ALDH7A1: variants seen among roughly 807,000 people sequenced by gnomAD.
The protein encoded by ALDH7A1 is aldehyde dehydrogenase 7 family member A1.
A neutral mutation model predicts 79.9 loss-of-function variants in ALDH7A1; 63 were observed. That is an observed-to-expected ratio of 0.79 (90% CI 0.64 to 0.97). The LOEUF (loss-of-function observed/expected upper bound fraction) is 0.97. Ranked by LOEUF, ALDH7A1 falls within the 50% of genes least tolerant of loss-of-function variation. ALDH7A1 has a pLI of 0.00. For synonymous variants in ALDH7A1, 240 were observed against 231.2 expected, an observed-to-expected ratio of 1.04 and a Z score of -0.34; for missense variants, 627 against 665.2, an observed-to-expected ratio of 0.94 and a Z score of 0.63.
At chr5:126,586,182 C>T (rs1365196586) in intron 3 of ALDH7A1, 3 of 152,190 alleles carry the variant, frequency 2.0e-5, no homozygotes, top group African/African-American at 7.2e-5. Context: ...TTTTCATCCA[C>T]AATTTATATG....
chr5:126,560,381 G>C (rs1750364091), intron 10 of ALDH7A1, among the ~76,000 whole-genome samples: 1 of 152,136 alleles, frequency 6.6e-6, no homozygotes, highest in Non-Finnish European at 1.5e-5. Flanking sequence ...TGAGGCAGGA[G>C]AACAGCTTGA....
At position 126,568,368 on chromosome 5, in the gene ALDH7A1, C is replaced by A. The variant is rs1750662606; in HGVS notation, c.774-12G>T. ...TGGCCATTGCTGTGCTGCAAGGGAA[C>A]AGACACGGTCGGCCACCCAAGCAGA... is the stretch of plus-strand genomic sequence containing the variant. On this transcript the variant is annotated splice_polypyrimidine_tract_variant and intron_variant, in intron 8 of 17. Coordinates refer to ENST00000409134, the MANE Select transcript of ALDH7A1 (RefSeq NM_001182.5). The A allele has an allele frequency of 1.2e-6, 2 of 1,612,542 alleles. No individual in the cohort carries two copies. Among genetic ancestry groups the A allele is most frequent in the African/African-American group, 2.7e-5 (2 of 74,874 alleles).
intron 11 of ALDH7A1, 132 bp from the exon 12 acceptor site, chr5:126,556,147 T>A: frequency 2.0e-6 from 1 of 489,046 alleles, no homozygotes; most frequent in East Asian, 4.0e-5. Flanking sequence ...ATGTTTATTT[T>A]TTTAATTATA....
Position 126,544,894 on chromosome 5 carries a change from A to C in ALDH7A1, c.*71T>G, listed in dbSNP as rs1401611952. 7.5e-7 allele frequency: 1 copy of C among 1,332,710 alleles called. No individual in the cohort carries two copies. Among genetic ancestry groups the C allele is most frequent in the Non-Finnish European group, 1.1e-6 (1 of 928,368 alleles). The allele number at this position is 1,332,710 out of a possible 1,614,324, so 82.6% of individuals were successfully genotyped here. On this transcript the variant is annotated 3_prime_UTR_variant, in exon 18 of 18. Transcript: ENST00000409134. ...AATGCATTTATTCAGGGAAAACTTT[A>C]ATTTTCTTTGTCTTCTCCAAAAACA... is the stretch of plus-strand genomic sequence containing the variant.
At position 126,549,956 on chromosome 5, in the gene ALDH7A1, T is replaced by C. The variant is rs913469909; in HGVS notation, c.1462A>G (p.Ser488Gly). Residue 488 changes from serine to glycine, a missense_variant, in exon 16 of 18, where the codon AGT becomes GGT. By Grantham distance (56) the Ser-to-Gly change is moderately conservative. Transcript: ENST00000409134. ...AAGGCACCTCCAATCTCAGCCCCAC[T>C]TGTTGGAATGTTGACATTTACAATG... ...CGIVNVNIPT[S>G]GAEIGGAFGG... The C allele has an allele frequency of 1.2e-6, 2 of 1,614,184 alleles. No individual in the cohort carries two copies. The highest frequency in any genetic ancestry group is 8.5e-7 in the Non-Finnish European group (1 of 1,180,032).
intron 5 of ALDH7A1, among the ~76,000 whole-genome samples, chr5:126,578,676 A>G (rs1049289790): frequency 6.6e-6 from 1 of 151,940 alleles, no homozygotes; most frequent in Non-Finnish European, 1.5e-5. Context: ...AAAAGAAAAA[A>G]CAAACAAAAA....
intron 9 of ALDH7A1, among the ~76,000 whole-genome samples, chr5:126,563,738 G>A (rs145108454): frequency 0.013 from 2,001 of 152,090 alleles, 48 homozygotes; most frequent in African/African-American, 0.046. Context: ...TGATCCGCCC[G>A]CCTCAGCCTC....
intron 9 of ALDH7A1, among the ~76,000 whole-genome samples, chr5:126,565,989 T>A (rs918685584): frequency 6.6e-6 from 1 of 152,244 alleles, no homozygotes; most frequent in Non-Finnish European, 1.5e-5. Flanking sequence ...ATCATAGTTT[T>A]GCCGTAAATT....
chr5:126,545,093 T>A, intron 17 of ALDH7A1, 74 bp from the exon 18 acceptor site: 1 of 1,126,054 alleles, frequency 8.9e-7, no homozygotes, highest in Non-Finnish European at 1.4e-6. Flanking sequence ...TTTTAAAATG[T>A]AGCAGATCTG....
chr5:126,587,828 C>G (rs1047078504), intron 3 of ALDH7A1: 2 of 151,998 alleles, frequency 1.3e-5, no homozygotes, highest in Admixed American at 1.3e-4. Context: ...CCGAGCCTCT[C>G]TAAGTCCCTG....
chr5:126,586,512 G>A (rs1356210930), intron 3 of ALDH7A1: 1 of 152,198 alleles, frequency 6.6e-6, no homozygotes. Context: ...TACTGCAAAT[G>A]AGGCAGTTAC....
chr5:126,576,071 C>G (rs974463480), intron 6 of ALDH7A1, among the ~76,000 whole-genome samples: 23 of 151,970 alleles, frequency 1.5e-4, no homozygotes. Flanking sequence ...ACCATCCTGG[C>G]TAACACAGTG....
At chr5:126,578,104 C>T (rs1751039456) in intron 5 of ALDH7A1, among the ~76,000 whole-genome samples, 1 of 151,496 alleles carries the variant, frequency 6.6e-6, no homozygotes, top group Non-Finnish European at 1.5e-5. Context: ...GCCTGGCCAA[C>T]ATGGTGAAAC....
rs1750382115 is a variant in ALDH7A1, at chr5:126,560,980, A to T, written c.913+103T>A. The stretch of plus-strand genomic sequence containing the variant: ...AACACAGGAACTAGGTCTCAGGCAT[A>T]TGCAACATGGACGAAATGAGATCCC... On this transcript the variant is annotated intron_variant, in intron 10 of 17. Transcript: ENST00000409134. The T allele has an allele frequency of 5.3e-6, 7 of 1,312,444 alleles. No homozygotes were observed. The South Asian group carries it at 7.3e-5, about 14-fold the overall frequency. The allele number at this position is 1,312,444 out of a possible 1,614,324, so 81.3% of individuals were successfully genotyped here. A position where few individuals can be genotyped will look rare whatever the true frequency, so the allele number is the denominator to read the frequency against.
intron 10 of ALDH7A1, among the ~76,000 whole-genome samples, chr5:126,560,119 G>A (rs972370985): frequency 5.3e-5 from 8 of 152,056 alleles, no homozygotes; most frequent in Non-Finnish European, 1.2e-4. Flanking sequence ...CACAGTACCC[G>A]GCAGACACTA....
At chr5:126,582,693 G>T in intron 5 of ALDH7A1, 158 bp downstream of exon 5, 1 of 901,160 alleles carries the variant, frequency 1.1e-6, no homozygotes, top group Non-Finnish European at 1.7e-6. Context: ...ATTTTCATCT[G>T]TTTTAATTTG....
chr5:126,557,681 G>C (rs1750245890), intron 11 of ALDH7A1, among the ~76,000 whole-genome samples: 1 of 151,972 alleles, frequency 6.6e-6, no homozygotes, highest in Non-Finnish European at 1.5e-5. Context: ...GATTATGTCA[G>C]TCTTATAAAG....
intron 17 of ALDH7A1, 52 bp from the exon 18 acceptor site, chr5:126,545,071 T>C: frequency 7.5e-7 from 1 of 1,330,612 alleles, no homozygotes; most frequent in Non-Finnish European, 1.1e-6. Context: ...AACAGAAGAT[T>C]TTCATGCCCA....
At chr5:126,568,600 T>C in intron 8 of ALDH7A1, 1 of 506,378 alleles carries the variant, frequency 2.0e-6, no homozygotes, top group East Asian at 3.7e-5. Context: ...GAGGAAGTTG[T>C]TAGGGAAGAA....
Sources: gnomAD v4.1 joint callset for allele counts (sites outside exome capture counted in the v4.1 genomes callset) on GRCh38, gnomAD v4.1.1 for gene constraint, MANE v1.5 for transcripts, NCBI Gene and HGNC (gene_info 2026-07-23, HGNC 2026-07-21) for gene names.